FAM178B: variants seen among roughly 807,000 people sequenced by gnomAD.
FAM178B encodes family with sequence similarity 178 member B.
In FAM178B, 82 loss-of-function variants were observed where a neutral mutation model predicts 91.7. That is an observed-to-expected ratio of 0.89 (90% CI 0.75 to 1.07). The LOEUF (loss-of-function observed/expected upper bound fraction) is 1.07, where lower values mean the gene tolerates loss of function less well. Ranked by LOEUF, FAM178B falls within the 50% of genes least tolerant of loss-of-function variation. The pLI is 0.00. For synonymous variants in FAM178B, 368 were observed against 359.4 expected, an observed-to-expected ratio of 1.02 and a Z score of -0.27; for missense variants, 769 against 846.7, an observed-to-expected ratio of 0.91 and a Z score of 1.14.
intron 1 of FAM178B, among the ~76,000 whole-genome samples, chr2:96,977,384 C>CA (rs754852439): frequency 0.13 from 2,943 of 23,106 alleles, 131 homozygotes; most frequent in African/African-American, 0.21. Context: ...GACTCCGTCT[C>CA]AAAAAAAAAA....
intron 13 of FAM178B, chr2:96,897,861 G>T: frequency 1.4e-6 from 1 of 719,590 alleles, no homozygotes; most frequent in Non-Finnish European, 1.7e-6. Flanking sequence ...CTGCGCAGAA[G>T]TCAAAACCCT....
At chr2:96,933,286 A>T (rs2081572512) in intron 8 of FAM178B, among the ~76,000 whole-genome samples, 1 of 152,156 alleles carries the variant, frequency 6.6e-6, no homozygotes, top group Non-Finnish European at 1.5e-5. Context: ...GCCAGCATGA[A>T]CAGCCCAAAG....
chr2:96,980,180 A>T (rs889732519), intron 1 of FAM178B, among the ~76,000 whole-genome samples: 1 of 150,078 alleles, frequency 6.7e-6, no homozygotes, highest in Non-Finnish European at 1.5e-5. Flanking sequence ...GTTTTAAGCA[A>T]TTCTCATGCC....
Position 96,876,242 on chromosome 2 carries a change from G to T in FAM178B, c.*34C>A. ...CTGAGCCTGTTCACTTCCTGCTGAAGCCAGGAGCCCTGGGCTGCCCTGACC... is the reference window on the plus strand; with the variant it reads ...CTGAGCCTGTTCACTTCCTGCTGAATCCAGGAGCCCTGGGCTGCCCTGACC... On this transcript the variant is annotated 3_prime_UTR_variant, in exon 17 of 17. Coordinates refer to ENST00000490605, the MANE Select transcript of FAM178B (RefSeq NM_001122646.3). The T allele has an allele frequency of 6.2e-7, 1 of 1,600,300 alleles. No homozygotes were observed. The highest frequency in any genetic ancestry group is 8.5e-7 in the Non-Finnish European group (1 of 1,172,766).
intron 1 of FAM178B, among the ~76,000 whole-genome samples, chr2:96,974,441 G>T (rs537628866): frequency 1.2e-4 from 15 of 120,696 alleles, no homozygotes; most frequent in Non-Finnish European, 2.5e-4. Flanking sequence ...TATACTACAA[G>T]AAAATAAACA....
chr2:96,929,891 C>A (rs11164113), intron 8 of FAM178B, among the ~76,000 whole-genome samples: 73,861 of 152,030 alleles, frequency 0.49, 20,872 homozygotes, highest in Non-Finnish European at 0.65. Context: ...GTTTCCCTTG[C>A]CCAATTTAAC....
At chr2:96,929,558 C>T (rs1574264801) in intron 8 of FAM178B, among the ~76,000 whole-genome samples, 1 of 152,252 alleles carries the variant, frequency 6.6e-6, no homozygotes, top group Non-Finnish European at 1.5e-5. Context: ...GGTATGGCTG[C>T]ACTTGGGTCA....
rs1375103525 is a variant in FAM178B at position 96,921,274 on chromosome 2, C to G, written c.1465-12G>C. ...CACAGTTCCTGGAGCTGCAGGAGAA[C>G]GGCACCCCATGGGCTACAGGAGGAC... On this transcript the variant is annotated splice_polypyrimidine_tract_variant and intron_variant, in intron 11 of 16. Coordinates refer to ENST00000490605, the MANE Select transcript of FAM178B (RefSeq NM_001122646.3). The G allele has an allele frequency of 6.4e-7, 1 of 1,551,018 alleles. No individual in the cohort carries two copies.
At chr2:96,968,970 G>A (rs1454164327) in intron 4 of FAM178B, among the ~76,000 whole-genome samples, 2 of 152,128 alleles carry the variant, frequency 1.3e-5, no homozygotes, top group African/African-American at 4.8e-5. Context: ...CTTTACATGT[G>A]CAGTCATCCC....
intron 16 of FAM178B, 114 bp from the exon 17 acceptor site, chr2:96,876,422 G>A (rs1170675350): frequency 7.5e-7 from 1 of 1,326,848 alleles, no homozygotes; most frequent in Non-Finnish European, 1.0e-6. Flanking sequence ...CTCATGCCAG[G>A]GGCCGAGTGA....
At chr2:96,887,400 G>A (rs573997619) in intron 14 of FAM178B, among the ~76,000 whole-genome samples, 2 of 152,184 alleles carry the variant, frequency 1.3e-5, no homozygotes, top group Non-Finnish European at 2.9e-5. Context: ...AGCCATGGGG[G>A]TTGTGCCTGA....
intron 14 of FAM178B, among the ~76,000 whole-genome samples, chr2:96,882,963 C>T (rs1009498666): frequency 3.9e-5 from 6 of 152,254 alleles, no homozygotes; most frequent in African/African-American, 9.6e-5. Flanking sequence ...CCCATCCCTG[C>T]GGCCGCTGCC....
intron 8 of FAM178B, among the ~76,000 whole-genome samples, chr2:96,938,603 A>G (rs1298075588): frequency 1.3e-5 from 2 of 152,202 alleles, no homozygotes; most frequent in Non-Finnish European, 2.9e-5. Context: ...GTGTTTCTGG[A>G]GACCCACCCA....
At chr2:96,900,989 T>C (rs889586270) in intron 13 of FAM178B, among the ~76,000 whole-genome samples, 1 of 152,120 alleles carries the variant, frequency 6.6e-6, no homozygotes, top group African/African-American at 2.4e-5. Flanking sequence ...CCAGCAGCTC[T>C]TCTCCCAGGA....
At chr2:96,911,313 G>T (rs1326558944) in intron 12 of FAM178B, among the ~76,000 whole-genome samples, 15 of 152,192 alleles carry the variant, frequency 9.9e-5, no homozygotes, top group Admixed American at 9.2e-4. Context: ...CTCGTCTTGA[G>T]GCTGAAGAGA....
At chr2:96,945,976 C>T (rs922369358) in intron 8 of FAM178B, among the ~76,000 whole-genome samples, 1 of 152,210 alleles carries the variant, frequency 6.6e-6, no homozygotes, top group Non-Finnish European at 1.5e-5. Context: ...AAACTCTGTA[C>T]TCATTAAACA....
chr2:96,958,019 C>T (rs998392034), intron 6 of FAM178B, among the ~76,000 whole-genome samples: 10 of 150,642 alleles, frequency 6.6e-5, no homozygotes, highest in Admixed American at 6.6e-5. Context: ...AACATTTTAT[C>T]ATCTAATTGG....
At chr2:96,959,674 T>C (rs2082053100) in intron 6 of FAM178B, among the ~76,000 whole-genome samples, 1 of 152,232 alleles carries the variant, frequency 6.6e-6, no homozygotes, top group Non-Finnish European at 1.5e-5. Flanking sequence ...GAGGACTTTC[T>C]TTCCTCTTCT....
intron 16 of FAM178B, among the ~76,000 whole-genome samples, chr2:96,876,622 TC>T (rs1195733850): frequency 6.6e-6 from 1 of 152,174 alleles, no homozygotes; most frequent in African/African-American, 2.4e-5. Context: ...AGGTTTGTTC[TC>T]CAGCCTTCTC....
Sources: allele counts gnomAD v4.1 joint callset (sites outside exome capture counted in the v4.1 genomes callset), GRCh38; gene constraint gnomAD v4.1.1; transcripts MANE v1.5; gene names NCBI Gene and HGNC (gene_info 2026-07-23, HGNC 2026-07-21).